The following CTNNA2 variants were observed in gnomAD, a reference collection of about 807,000 sequenced individuals.
The protein encoded by CTNNA2 is catenin alpha 2.
A neutral mutation model predicts 101.0 loss-of-function variants in CTNNA2; 42 were observed. The ratio of observed to expected loss-of-function variants is 0.42; its 90% CI spans 0.32 to 0.54. The LOEUF (loss-of-function observed/expected upper bound fraction) is 0.54, where lower values mean the gene tolerates loss of function less well. Ranked by LOEUF, CTNNA2 falls within the 20% of genes least tolerant of loss-of-function variation. CTNNA2 has a pLI of 0.14. For missense variants in CTNNA2, 871 were observed against 1,223.1 expected (o/e 0.71, Z 4.29); for synonymous variants, 450 against 456.4 (o/e 0.99, Z 0.18).
At chr2:80,618,970 T>TC in intron 17 of CTNNA2, 115 bp from the exon 18 acceptor site, 1 of 573,650 alleles carries the variant, frequency 1.7e-6, no homozygotes, top group Non-Finnish European at 2.8e-6. Context: ...ACCTCTTTTT[T>TC]CCCAATTACC....
At chr2:79,389,224 A>G (rs1573142386) in intron 4 of CTNNA2, among the ~76,000 whole-genome samples, 1 of 152,216 alleles carries the variant, frequency 6.6e-6, no homozygotes, top group African/African-American at 2.4e-5. Context: ...CTAACTTGCT[A>G]TAAAGGTTTC....
intron 3 of CTNNA2, among the ~76,000 whole-genome samples, chr2:79,330,038 G>A (rs890581230): frequency 5.9e-5 from 9 of 152,138 alleles, no homozygotes; most frequent in Non-Finnish European, 1.3e-4. Context: ...CCATGGAGAG[G>A]CCTCAGTACA....
chr2:79,847,142 T>C (rs916496441), intron 3 of CTNNA2, among the ~76,000 whole-genome samples: 1 of 152,088 alleles, frequency 6.6e-6, no homozygotes, highest in Admixed American at 6.5e-5. Context: ...TTAAAGGACA[T>C]TTAAACAAAC....
intron 3 of CTNNA2, among the ~76,000 whole-genome samples, chr2:79,849,912 C>A (rs1247399486): frequency 6.6e-6 from 1 of 152,130 alleles, no homozygotes; most frequent in East Asian, 1.9e-4. Context: ...TTCCTCCTCT[C>A]GACAGCATTC....
Position 79,742,205 on chromosome 2 carries a change from T to A in CTNNA2, c.103-2182T>A, listed in dbSNP as rs144345832. Among the ~76,000 whole-genome samples the A allele has an allele frequency of 7.3e-3, 1,111 of 152,254 alleles. 14 individuals are homozygous for A. Among genetic ancestry groups the A allele is most frequent in the African/African-American group, 0.026 (1,067 of 41,542 alleles). ...ACCATGACATACAGAAGGCTAGAAATGTGTCGGCCCCTCCAGAAAATGAAC... is the reference window on the plus strand; with the variant it reads ...ACCATGACATACAGAAGGCTAGAAAAGTGTCGGCCCCTCCAGAAAATGAAC... On this transcript the variant is annotated intron_variant, in intron 2 of 18. Coordinates refer to ENST00000402739, the MANE Select transcript of CTNNA2 (RefSeq NM_001282597.3).
At chr2:80,491,656 G>A (rs1452654046) in intron 9 of CTNNA2, among the ~76,000 whole-genome samples, 1 of 152,156 alleles carries the variant, frequency 6.6e-6, no homozygotes, top group African/African-American at 2.4e-5. Flanking sequence ...GAGATGCTGT[G>A]GTTAAGAAGC....
chr2:79,593,434 C>T (rs1403337322), intron 1 of CTNNA2, among the ~76,000 whole-genome samples: 2 of 152,200 alleles, frequency 1.3e-5, no homozygotes, highest in African/African-American at 2.4e-5. Flanking sequence ...ATTTTCTAAG[C>T]TTTACATTTC....
intron 1 of CTNNA2, among the ~76,000 whole-genome samples, chr2:79,627,240 C>A (rs997533321): frequency 2.6e-5 from 4 of 152,186 alleles, no homozygotes; most frequent in African/African-American, 9.7e-5. Flanking sequence ...AGGTTTCTTC[C>A]AACTCTAAAA....
intron 2 of CTNNA2, among the ~76,000 whole-genome samples, chr2:79,290,787 A>G (rs184986965): frequency 2.0e-5 from 3 of 152,136 alleles, no homozygotes; most frequent in African/African-American, 4.8e-5. Flanking sequence ...TTTCCACTCA[A>G]TAAAACCTTG....
intron 2 of CTNNA2, chr2:79,198,080 C>T (rs964136549): frequency 2.0e-5 from 3 of 152,116 alleles, no homozygotes; most frequent in African/African-American, 7.2e-5. Context: ...CCATCAGGTA[C>T]ATTTTTATCT....
chr2:80,316,327 T>C (rs1250955008), intron 7 of CTNNA2, among the ~76,000 whole-genome samples: 1 of 152,150 alleles, frequency 6.6e-6, no homozygotes, highest in Non-Finnish European at 1.5e-5. Flanking sequence ...ACCATTCAGA[T>C]ATTAGAGCAA....
Position 80,117,506 on chromosome 2 carries a change from C to T in CTNNA2, c.1056+207709C>T, listed in dbSNP as rs191853808. 1.5e-3 allele frequency among the ~76,000 whole-genome samples: 208 copies of T among 143,074 alleles called. 1 individual carries two copies. The highest frequency in any genetic ancestry group is 2.5e-3 in the Admixed American group (36 of 14,292). 93.9% of individuals were successfully genotyped at this position (143,074 alleles called of 152,430 possible). On this transcript the variant is annotated intron_variant, in intron 7 of 18. Coordinates refer to ENST00000402739, the MANE Select transcript of CTNNA2 (RefSeq NM_001282597.3). ...TGTGTGTACAATGTGTCCCCAGCAA[C>T]TGATTCCAAAAATGACTTGCTGAAA...
At chr2:79,798,158 T>C (rs1233645262) in intron 3 of CTNNA2, among the ~76,000 whole-genome samples, 1 of 152,162 alleles carries the variant, frequency 6.6e-6, no homozygotes, top group Non-Finnish European at 1.5e-5. Flanking sequence ...CAGCAATCTG[T>C]ATTTTAACTG....
chr2:80,372,866 T>C (rs990308841), intron 7 of CTNNA2, among the ~76,000 whole-genome samples: 1 of 152,212 alleles, frequency 6.6e-6, no homozygotes, highest in South Asian at 2.1e-4. Flanking sequence ...TGTCTGGAGA[T>C]ATTTTAGATT....
At chr2:80,203,849 CA>C (rs1335297747) in intron 7 of CTNNA2, among the ~76,000 whole-genome samples, 1 of 152,228 alleles carries the variant, frequency 6.6e-6, no homozygotes, top group Non-Finnish European at 1.5e-5. Context: ...ACCCCTGCAA[CA>C]AACTTCTGCC....
In CTNNA2 at chr2:79,761,862, A is replaced by C. The variant is rs528137898; in HGVS notation, c.298+17280A>C. Among the ~76,000 whole-genome samples the C allele has an allele frequency of 2.6e-5, 4 of 152,346 alleles. No individual in the cohort carries two copies. In the South Asian group the frequency reaches 8.3e-4, roughly 32 times the overall value. On this transcript the variant is annotated intron_variant, in intron 3 of 18. Transcript: ENST00000402739. Reference sequence around the variant, plus strand: ...TATGGGCTTCCACTGAAATGGTAGCAGTCATCTGCAATATTACCTAATACA... The same window carrying C: ...TATGGGCTTCCACTGAAATGGTAGCCGTCATCTGCAATATTACCTAATACA...
chr2:79,818,978 C>CT lies in CTNNA2; in HGVS notation c.299-39020dup, dbSNP rs763868991. Reference sequence around the variant, plus strand: ...ACTGTTTCTCCTCCATATTCTTTTTCTTTTTTTTTTTTTTTAATTGAGACG... The same window carrying CT: ...ACTGTTTCTCCTCCATATTCTTTTTCTTTTTTTTTTTTTTTTAATTGAGACG... On this transcript the variant is annotated intron_variant, in intron 3 of 18. Transcript: ENST00000402739. Among the ~76,000 whole-genome samples the CT allele has an allele frequency of 2.6e-3, 343 of 131,708 alleles. 2 individuals are homozygous for CT. The highest frequency in any genetic ancestry group is 7.5e-3 in the African/African-American group (264 of 35,222). 86.4% of individuals were successfully genotyped at this position (131,708 alleles called of 152,430 possible).
intron 15 of CTNNA2, among the ~76,000 whole-genome samples, chr2:80,603,045 G>C (rs140432561): frequency 6.6e-6 from 1 of 151,956 alleles, no homozygotes; most frequent in Non-Finnish European, 1.5e-5. Flanking sequence ...ACCCTACACG[G>C]TCTGAATAAA....
intron 7 of CTNNA2, among the ~76,000 whole-genome samples, chr2:80,130,623 T>C (rs1223222065): frequency 6.6e-6 from 1 of 152,084 alleles, no homozygotes; most frequent in South Asian, 2.1e-4. Flanking sequence ...CAACCTGCGA[T>C]GGTGGTTGTA....
Sources: allele counts gnomAD v4.1 joint callset (sites outside exome capture counted in the v4.1 genomes callset), GRCh38; gene constraint gnomAD v4.1.1; transcripts MANE v1.5; gene names NCBI Gene and HGNC (gene_info 2026-07-23, HGNC 2026-07-21).